Variants in ARL6IP6 observed in about 807,000 individuals in gnomAD.
ARL6IP6 encodes the protein ARF like GTPase 6 interacting protein 6.
ARL6IP6 carries 22 observed loss-of-function variants against 21.5 expected under a neutral mutation model. That is an observed-to-expected ratio of 1.02 (90% confidence interval 0.73 to 1.46). The LOEUF is 1.46. Among genes scored for constraint, ARL6IP6 ranks in the 40% most tolerant of loss-of-function variants. The pLI, the probability that ARL6IP6 is intolerant of heterozygous loss-of-function variation, is 0.00. For missense variants in ARL6IP6, 388 were observed against 299.8 expected (o/e 1.29, Z -2.17); for synonymous variants, 164 against 125.3 (o/e 1.31, Z -2.06).
intron 3 of ARL6IP6, among the ~76,000 whole-genome samples, chr2:152,739,312 A>G (rs959815011): frequency 6.6e-6 from 1 of 152,186 alleles, no homozygotes; most frequent in Non-Finnish European, 1.5e-5. Context: ...AGAGCACCCA[A>G]GTCAACTCTT....
At chr2:152,723,746 C>T (rs1699901453) in intron 2 of ARL6IP6, among the ~76,000 whole-genome samples, 1 of 151,944 alleles carries the variant, frequency 6.6e-6, no homozygotes, top group African/African-American at 2.4e-5. Context: ...TTAAAAGCAC[C>T]TGTAGATTTT....
rs1276940645 is a variant in ARL6IP6, at chr2:152,760,258, CTTA to C, written c.*421_*423del. 6.5e-6 allele frequency: 1 copy of C among 153,240 alleles called. No individual in the cohort carries two copies. The highest frequency in any genetic ancestry group is 1.5e-5 in the Non-Finnish European group (1 of 68,490). 9.5% of individuals were successfully genotyped at this position (153,240 alleles called of 1,614,324 possible). On this transcript the variant is annotated 3_prime_UTR_variant, in exon 4 of 4. Coordinates refer to ENST00000326446, the MANE Select transcript of ARL6IP6 (RefSeq NM_152522.7). The stretch of plus-strand genomic sequence containing the variant: ...CTGTTTAGTTGAGCTAGAAATACTT[CTTA>C]TTTATACATTTAGGAAAGCAAATAA...
At position 152,718,953 on chromosome 2, in the gene ARL6IP6, C is replaced by T. The variant is rs1375538407; in HGVS notation, c.329C>T (p.Ser110Phe). ...CGGCGGTGGCCGGTCCAGGTCCTCT[C>T]TATTCTCTGCTCGCTGCTCTTCGCC... ...QPRRWPVQVL[S>F]ILCSLLFAIL... The change falls in exon 1 of 4, where the codon TCT (serine) becomes TTT (phenylalanine). Residue 110 changes from serine to phenylalanine, a missense_variant. Physicochemically the swap from Ser to Phe is radical, Grantham distance 155 (BLOSUM62 -2). Transcript: ENST00000326446. 14 of 1,607,958 alleles carry T rather than the reference C, an allele frequency of 8.7e-6. No individual in the cohort carries two copies. The highest frequency in any genetic ancestry group is 1.7e-5 in the Admixed American group (1 of 59,086).
chr2:152,745,783 A>G (rs926021568), intron 3 of ARL6IP6, among the ~76,000 whole-genome samples: 2 of 152,184 alleles, frequency 1.3e-5, no homozygotes, highest in African/African-American at 2.4e-5. Context: ...AGAGCCATCA[A>G]TTACAGTGCT....
chr2:152,721,489 C>A (rs1376314087), intron 2 of ARL6IP6, among the ~76,000 whole-genome samples: 1 of 152,130 alleles, frequency 6.6e-6, no homozygotes, highest in Non-Finnish European at 1.5e-5. Context: ...TTCTCTCCAC[C>A]AAAATGATTC....
intron 1 of ARL6IP6, chr2:152,720,146 T>C (rs1699712541): frequency 1.2e-5 from 1 of 83,608 alleles, no homozygotes; most frequent in Non-Finnish European, 2.2e-5. Context: ...ATTTCTGTTT[T>C]GCTCGGAGAC....
intron 2 of ARL6IP6, among the ~76,000 whole-genome samples, chr2:152,723,471 C>T (rs1028408192): frequency 6.6e-6 from 1 of 152,128 alleles, no homozygotes; most frequent in Admixed American, 6.5e-5. Flanking sequence ...ATTTCCGTGA[C>T]TCATATTTAA....
intron 3 of ARL6IP6, among the ~76,000 whole-genome samples, chr2:152,759,115 C>G (rs1239845131): frequency 6.6e-6 from 1 of 152,042 alleles, no homozygotes; most frequent in Non-Finnish European, 1.5e-5. Context: ...ATAAAGGAAA[C>G]AAATGTCAGG....
At chr2:152,739,343 A>G (rs913485882) in intron 3 of ARL6IP6, among the ~76,000 whole-genome samples, 2 of 152,144 alleles carry the variant, frequency 1.3e-5, no homozygotes, top group African/African-American at 4.8e-5. Context: ...CTGCTTAGAA[A>G]TTTATTCCAC....
chr2:152,731,941 C>A (rs1340000405), intron 2 of ARL6IP6, among the ~76,000 whole-genome samples: 1 of 152,062 alleles, frequency 6.6e-6, no homozygotes, highest in Non-Finnish European at 1.5e-5. Context: ...TTTTCAGGAT[C>A]TTTCCATATC....
upstream of ARL6IP6, chr2:152,718,123 G>A: frequency 1.0e-6 from 1 of 956,124 alleles, no homozygotes. Context: ...GCGCCAGGTA[G>A]AGAGGTGCCC....
At chr2:152,739,727 T>G (rs114467013) in intron 3 of ARL6IP6, among the ~76,000 whole-genome samples, 2,458 of 152,346 alleles carry the variant, frequency 0.016, 69 homozygotes, top group African/African-American at 0.055. Context: ...TGTATTAATC[T>G]GTTCTCACAC....
chr2:152,759,861 G>A lies in ARL6IP6; in HGVS notation c.*21G>A. On this transcript the variant is annotated 3_prime_UTR_variant, in exon 4 of 4. Transcript: ENST00000326446. ...TGTAAACCCACACTGGAGCGATATT[G>A]TTGGCAAAACTTAATCATGATTGTT... The A allele has an allele frequency of 1.3e-6, 2 of 1,586,394 alleles. No homozygotes were observed. Among genetic ancestry groups the A allele is most frequent in the African/African-American group, 1.3e-5 (1 of 74,394 alleles).
chr2:152,717,753 C>A, upstream of ARL6IP6: 1 of 1,288,316 alleles, frequency 7.8e-7, no homozygotes, highest in East Asian at 3.7e-5. Context: ...GCTTAGACCG[C>A]CTCACCCCGT....
At chr2:152,746,827 T>C (rs1701077061) in intron 3 of ARL6IP6, among the ~76,000 whole-genome samples, 2 of 129,596 alleles carry the variant, frequency 1.5e-5, no homozygotes, top group Admixed American at 8.1e-5. Flanking sequence ...CTTTCTTTTT[T>C]TTTTTTTTTT....
At chr2:152,717,770 T>C, upstream of ARL6IP6, 1 of 1,230,794 alleles carries the variant, frequency 8.1e-7, no homozygotes, top group South Asian at 1.8e-5. Context: ...CCGTAGGGGG[T>C]GGGGCAGTGG....
chr2:152,718,795 G>T lies in ARL6IP6; in HGVS notation c.171G>T (p.Ala57=). The T allele has an allele frequency of 1.9e-6, 3 of 1,606,714 alleles. No individual in the cohort carries two copies. Among genetic ancestry groups the T allele is most frequent in the Middle Eastern group, 1.7e-4 (1 of 6,040 alleles). Residue 57 remains alanine (A), a synonymous_variant, in exon 1 of 4, where the codon GCG becomes GCT. Coordinates refer to ENST00000326446, the MANE Select transcript of ARL6IP6 (RefSeq NM_152522.7). ...ACCAAGTGGCCCGCGACCTGCGGGCGGAGTTCTCGGCTGGGGCGTGGTCAG... is the reference window on the plus strand; with the variant it reads ...ACCAAGTGGCCCGCGACCTGCGGGCTGAGTTCTCGGCTGGGGCGTGGTCAG... ...GCDQVARDLR[A]EFSAGAWSEP...
intron 3 of ARL6IP6, among the ~76,000 whole-genome samples, chr2:152,749,586 A>G (rs1357686848): frequency 6.6e-6 from 1 of 152,172 alleles, no homozygotes; most frequent in Non-Finnish European, 1.5e-5. Context: ...GACACCTGGT[A>G]TTCACAACAG....
Position 152,718,708 on chromosome 2 carries a change from T to C in ARL6IP6, c.84T>C (p.Tyr28=). ...CGGGCCCTGTGGCTCGGCCATCGTATTCCTCCTTTACTCAGGGGGACAGCT... is the reference window on the plus strand; with the variant it reads ...CGGGCCCTGTGGCTCGGCCATCGTACTCCTCCTTTACTCAGGGGGACAGCT... The part of the protein sequence containing the change: ...GTPGPVARPS[Y]SSFTQGDSWG... The change falls in exon 1 of 4, where the codon TAT becomes TAC. Residue 28 remains tyrosine, a synonymous_variant. Coordinates refer to ENST00000326446, the MANE Select transcript of ARL6IP6 (RefSeq NM_152522.7). 1 of 1,605,514 alleles carries C rather than the reference T, an allele frequency of 6.2e-7. No homozygotes were observed. The highest frequency in any genetic ancestry group is 8.5e-7 in the Non-Finnish European group (1 of 1,175,498).
Sources: allele counts gnomAD v4.1 joint callset (sites outside exome capture counted in the v4.1 genomes callset), GRCh38; gene constraint gnomAD v4.1.1; transcripts MANE v1.5; gene names NCBI Gene and HGNC (gene_info 2026-07-23, HGNC 2026-07-21).